CACNA2D3: variants seen among roughly 807,000 people sequenced by gnomAD.
CACNA2D3 encodes the protein calcium voltage-gated channel auxiliary subunit alpha2delta 3.
CACNA2D3 carries 60 observed loss-of-function variants against 160.6 expected under a neutral mutation model. That is an observed-to-expected ratio of 0.37 (90% CI 0.30 to 0.46). CACNA2D3 has a LOEUF of 0.46. Among genes scored for constraint, CACNA2D3 ranks in the 20% least tolerant of loss-of-function variants. The pLI, the probability that CACNA2D3 is intolerant of heterozygous loss-of-function variation, is 1.00. For missense variants in CACNA2D3, 1,205 were observed against 1,365.0 expected, an observed-to-expected ratio of 0.88 and a Z score of 1.85; for synonymous variants, 558 against 492.9, an observed-to-expected ratio of 1.13 and a Z score of -1.75.
chr3:54,403,810 A>G (rs1399693150), intron 4 of CACNA2D3, among the ~76,000 whole-genome samples: 1 of 152,178 alleles, frequency 6.6e-6, no homozygotes, highest in Non-Finnish European at 1.5e-5. Flanking sequence ...TGGAGACATT[A>G]TAACAGAAGC....
chr3:54,123,635 C>T (rs372999058), intron 2 of CACNA2D3, 41 bp downstream of exon 2: 21 of 1,510,404 alleles, frequency 1.4e-5, no homozygotes, highest in Middle Eastern at 1.7e-4. Context: ...ATTTTTCCGG[C>T]ACAGAAAATG....
chr3:54,805,589 C>G (rs1020417281), intron 13 of CACNA2D3, among the ~76,000 whole-genome samples: 1 of 151,378 alleles, frequency 6.6e-6, no homozygotes, highest in African/African-American at 2.4e-5. Flanking sequence ...GAGTCCAGGA[C>G]CAGATGGATT....
intron 27 of CACNA2D3, chr3:54,927,855 A>G (rs1193108281): frequency 5.6e-6 from 9 of 1,604,910 alleles, no homozygotes; most frequent in South Asian, 4.4e-5. Context: ...AGGGGATACC[A>G]TCTTTCTCCC....
At position 54,790,531 on chromosome 3, in the gene CACNA2D3, C is replaced by T. The variant is rs976154290; in HGVS notation, c.1380+26180C>T. On this transcript the variant is annotated intron_variant, in intron 13 of 37. Transcript: ENST00000474759. ...GTGTCATCTAAAGGTATTTGTTTCA[C>T]AAACTTTAAAAACAGCTAGGGCCAA... 2.0e-5 allele frequency among the ~76,000 whole-genome samples: 3 copies of T among 152,156 alleles called. No individual in the cohort carries two copies. The East Asian group carries it at 5.8e-4, about 29-fold the overall frequency.
At chr3:54,411,719 C>T (rs1699671027) in intron 4 of CACNA2D3, among the ~76,000 whole-genome samples, 1 of 152,138 alleles carries the variant, frequency 6.6e-6, no homozygotes, top group African/African-American at 2.4e-5. Flanking sequence ...ACTAAACCTA[C>T]AGTATCTCTG....
intron 17 of CACNA2D3, among the ~76,000 whole-genome samples, chr3:54,853,771 C>T (rs1699109835): frequency 6.6e-6 from 1 of 152,124 alleles, no homozygotes; most frequent in South Asian, 2.1e-4. Context: ...GGACTGCACT[C>T]AGCAGATACT....
At chr3:54,695,727 C>G (rs754937917) in intron 11 of CACNA2D3, among the ~76,000 whole-genome samples, 1 of 152,170 alleles carries the variant, frequency 6.6e-6, no homozygotes, top group Non-Finnish European at 1.5e-5. Flanking sequence ...CTGTGAATGA[C>G]TCAAGACTTT....
intron 2 of CACNA2D3, among the ~76,000 whole-genome samples, chr3:54,188,689 A>G (rs987942384): frequency 2.0e-5 from 3 of 152,202 alleles, no homozygotes; most frequent in African/African-American, 2.4e-5. Context: ...CGGCTCCTTC[A>G]TATAGAAGAG....
At chr3:54,729,424 A>G (rs909847510) in intron 11 of CACNA2D3, among the ~76,000 whole-genome samples, 1 of 151,676 alleles carries the variant, frequency 6.6e-6, no homozygotes, top group Non-Finnish European at 1.5e-5. Context: ...ATAGTCCATC[A>G]TAGCTAGAAG....
At chr3:54,775,183 A>G (rs149666951) in intron 13 of CACNA2D3, among the ~76,000 whole-genome samples, 1 of 152,330 alleles carries the variant, frequency 6.6e-6, no homozygotes, top group Admixed American at 6.5e-5. Flanking sequence ...AGTGAGGAGA[A>G]ATCAATCCAA....
intron 2 of CACNA2D3, among the ~76,000 whole-genome samples, chr3:54,212,098 G>C (rs1296484487): frequency 6.6e-6 from 1 of 152,170 alleles, no homozygotes; most frequent in Non-Finnish European, 1.5e-5. Flanking sequence ...CTAGTTTAGA[G>C]TTGTGAACCC....
chr3:54,816,978 T>A, intron 14 of CACNA2D3, 108 bp downstream of exon 14: 1 of 1,306,240 alleles, frequency 7.7e-7, no homozygotes, highest in Non-Finnish European at 1.1e-6. Context: ...AATGGTTTTT[T>A]TCCACAGCTT....
intron 35 of CACNA2D3, among the ~76,000 whole-genome samples, chr3:55,066,811 G>T (rs539346933): frequency 6.6e-6 from 1 of 152,070 alleles, no homozygotes; most frequent in Non-Finnish European, 1.5e-5. Context: ...AGAAACAACC[G>T]CTGTGATTCT....
intron 2 of CACNA2D3, among the ~76,000 whole-genome samples, chr3:54,278,837 G>A (rs1476269889): frequency 2.0e-5 from 3 of 151,970 alleles, no homozygotes; most frequent in East Asian, 3.9e-4. Context: ...CCTGTCGGGG[G>A]ATGGGGGGCA....
At chr3:55,052,403 T>C (rs9813101) in intron 35 of CACNA2D3, among the ~76,000 whole-genome samples, 14,480 of 151,328 alleles carry the variant, frequency 0.096, 813 homozygotes, top group African/African-American at 0.14. Context: ...ACATATATTC[T>C]ATATATATGT....
intron 5 of CACNA2D3, among the ~76,000 whole-genome samples, chr3:54,520,537 G>GCT: frequency 6.6e-6 from 1 of 152,314 alleles, no homozygotes; most frequent in South Asian, 2.1e-4. Flanking sequence ...TGGAGCAGAG[G>GCT]CTCTCATCTC....
Position 54,715,509 on chromosome 3 carries a change from T to TG in CACNA2D3, c.1168-37082dup, listed in dbSNP as rs533757353. 1.9e-3 allele frequency among the ~76,000 whole-genome samples: 282 copies of TG among 151,372 alleles called. 3 individuals carry two copies. Among genetic ancestry groups the TG allele is most frequent in the Middle Eastern group, 0.01 (3 of 294 alleles). ...CAGCTCCCTTCCCCTCCCCAGAATA[T>TG]GGGGGGGGCAGGGGGAGGTAGAGAG... On this transcript the variant is annotated intron_variant, in intron 11 of 37. Coordinates refer to ENST00000474759, the MANE Select transcript of CACNA2D3 (RefSeq NM_018398.3).
chr3:54,570,658 T>G (rs1702481301), intron 8 of CACNA2D3, among the ~76,000 whole-genome samples: 1 of 152,140 alleles, frequency 6.6e-6, no homozygotes, highest in Non-Finnish European at 1.5e-5. Flanking sequence ...TTTTATTATC[T>G]TGGTTTTTCA....
At chr3:54,743,019 A>G (rs1441412560) in intron 11 of CACNA2D3, among the ~76,000 whole-genome samples, 1 of 152,248 alleles carries the variant, frequency 6.6e-6, no homozygotes, top group Non-Finnish European at 1.5e-5. Context: ...CTGGAAAAAT[A>G]GAAAAGTATT....
Sources: gnomAD v4.1 joint callset for allele counts (sites outside exome capture counted in the v4.1 genomes callset) on GRCh38, gnomAD v4.1.1 for gene constraint, MANE v1.5 for transcripts, NCBI Gene and HGNC (gene_info 2026-07-23, HGNC 2026-07-21) for gene names.